The following ASAP1 variants were observed in gnomAD, a reference collection of about 807,000 sequenced individuals.
The protein encoded by ASAP1 is arf-GAP with SH3 domain, ANK repeat and PH domain-containing protein 1.
A neutral mutation model predicts 145.2 loss-of-function variants in ASAP1; 43 were observed. That is an observed-to-expected ratio of 0.30 (90% CI 0.23 to 0.38). The LOEUF (loss-of-function observed/expected upper bound fraction) is 0.38. ASAP1 is among the 10% of genes least tolerant of loss of function. The probability of loss-of-function intolerance (pLI) is 1.00; values close to 1 mark genes in which losing one functional copy is unlikely to be tolerated. For synonymous variants in ASAP1, 546 were observed against 515.5 expected (o/e 1.06, Z -0.80); for missense variants, 1,018 against 1,355.3 (o/e 0.75, Z 3.91).
rs117307218 is a variant in ASAP1 at position 130,412,348 on chromosome 8, T to C, written c.-27-10378A>G. Reference sequence around the variant, plus strand: ...CCCCTTGTTGCTGTCCTTGCCATAGTGAGTGAGTGACTTTCCGTGAGATGT... The same window carrying C: ...CCCCTTGTTGCTGTCCTTGCCATAGCGAGTGAGTGACTTTCCGTGAGATGT... On this transcript the variant is annotated intron_variant, in intron 1 of 29. Transcript: ENST00000518721. Among the ~76,000 whole-genome samples the C allele has an allele frequency of 7.7e-3, 1,171 of 152,214 alleles. 3 individuals are homozygous for C. Among genetic ancestry groups the C allele is most frequent in the Admixed American group, 0.016 (238 of 15,282 alleles).
At chr8:130,236,797 C>T (rs1263269099) in intron 4 of ASAP1, 125 bp downstream of exon 4, 2 of 647,486 alleles carry the variant, frequency 3.1e-6, no homozygotes, top group East Asian at 3.0e-5. Flanking sequence ...AGAGAAATTT[C>T]TTTTACCTAC....
At chr8:130,138,350 G>C (rs1190386500) in intron 13 of ASAP1, among the ~76,000 whole-genome samples, 1 of 152,206 alleles carries the variant, frequency 6.6e-6, no homozygotes, top group African/African-American at 2.4e-5. Flanking sequence ...TGCTTTAGGG[G>C]AGGAAGTGAG....
chr8:130,228,267 C>G (rs895953456), intron 4 of ASAP1, among the ~76,000 whole-genome samples: 3 of 152,100 alleles, frequency 2.0e-5, no homozygotes, highest in Admixed American at 6.5e-5. Context: ...TAGAACACCC[C>G]CCAAAACATG....
intron 3 of ASAP1, among the ~76,000 whole-genome samples, chr8:130,287,283 T>C (rs1821674655): frequency 6.6e-6 from 1 of 152,168 alleles, no homozygotes; most frequent in African/African-American, 2.4e-5. Context: ...GCTTGATGGA[T>C]GGATGTTGGG....
intron 10 of ASAP1, among the ~76,000 whole-genome samples, chr8:130,168,260 T>C (rs2097684071): frequency 6.6e-6 from 1 of 152,126 alleles, no homozygotes; most frequent in Non-Finnish European, 1.5e-5. Flanking sequence ...GGGCAACAAC[T>C]TTACCATTTC....
intron 3 of ASAP1, among the ~76,000 whole-genome samples, chr8:130,353,930 A>G (rs143985131): frequency 0.016 from 2,469 of 151,680 alleles, 69 homozygotes; most frequent in African/African-American, 0.056. Flanking sequence ...TCTGTCGCCC[A>G]GGCTGGAGTG....
At chr8:130,127,905 G>T (rs374853248) in intron 16 of ASAP1, 22 bp downstream of exon 16, 1 of 1,608,882 alleles carries the variant, frequency 6.2e-7, no homozygotes, top group African/African-American at 1.3e-5. Flanking sequence ...GTAAAAGCTC[G>T]TTCAAATATG....
At chr8:130,390,078 G>C (rs187938668) in intron 2 of ASAP1, among the ~76,000 whole-genome samples, 20 of 152,248 alleles carry the variant, frequency 1.3e-4, no homozygotes, top group African/African-American at 4.8e-4. Context: ...TAAAGGGAGG[G>C]CCTGAGAATC....
intron 3 of ASAP1, among the ~76,000 whole-genome samples, chr8:130,338,620 C>T (rs1395496152): frequency 6.6e-6 from 1 of 152,164 alleles, no homozygotes; most frequent in Non-Finnish European, 1.5e-5. Context: ...CTTTTATTAA[C>T]AGCAGGCAAT....
rs141123730 is a variant in ASAP1 at position 130,058,029 on chromosome 8, T to G, written c.3240A>C (p.Ala1080=). 1 of 1,614,148 alleles carries G rather than the reference T, an allele frequency of 6.2e-7. No individual in the cohort carries two copies. Among genetic ancestry groups the G allele is most frequent in the Non-Finnish European group, 8.5e-7 (1 of 1,180,046 alleles). Residue 1080 remains alanine, a synonymous_variant, in exon 29 of 30, where the codon GCA becomes GCC. Transcript: ENST00000518721. ...TGAATGTGAGCTCGTCATCGTTGTCTGCCTGGCAGTCATAAATGGTCTTCA... is the reference window on the plus strand; with the variant it reads ...TGAATGTGAGCTCGTCATCGTTGTCGGCCTGGCAGTCATAAATGGTCTTCA... ...RRVKTIYDCQ[A]DNDDELTFIE...
chr8:130,327,771 CTGACAG>C, intron 3 of ASAP1, among the ~76,000 whole-genome samples: 1 of 152,276 alleles, frequency 6.6e-6, no homozygotes, highest in African/African-American at 2.4e-5. Context: ...AGGAGTGACT[CTGACAG>C]TTACAGGACT....
intron 5 of ASAP1, among the ~76,000 whole-genome samples, chr8:130,198,751 G>A (rs1243290761): frequency 6.6e-6 from 1 of 152,258 alleles, no homozygotes; most frequent in South Asian, 2.1e-4. Flanking sequence ...TATTAATTAA[G>A]GTTTTTACTG....
intron 10 of ASAP1, among the ~76,000 whole-genome samples, chr8:130,168,369 G>GCCAC (rs1329068891): frequency 2.6e-5 from 4 of 152,032 alleles, no homozygotes; most frequent in Non-Finnish European, 5.9e-5. Context: ...TAAATCAAAG[G>GCCAC]CGTGGTGGCT....
At chr8:130,205,493 A>G (rs1816155273) in intron 5 of ASAP1, among the ~76,000 whole-genome samples, 1 of 151,900 alleles carries the variant, frequency 6.6e-6, no homozygotes, top group Non-Finnish European at 1.5e-5. Context: ...TGTATTGACA[A>G]ACAGAAAATT....
In ASAP1 at chr8:130,118,189, G is replaced by C; in HGVS notation, c.1852C>G (p.His618Asp). The C allele has an allele frequency of 1.2e-6, 2 of 1,613,896 alleles. No individual in the cohort carries two copies. The highest frequency in any genetic ancestry group is 1.7e-6 in the Non-Finnish European group (2 of 1,179,856). ...TTTTGTACAAGGAAGTCAACCAAAT[G>C]GAGAGATGTCTGATCTGCAGTTCGG... ...AVRTADQTSL[H>D]LVDFLVQNCG... is the part of the protein sequence containing the mutation. Residue 618 changes from histidine to aspartate, a missense_variant, in exon 20 of 30, where the codon CAT (histidine) becomes GAT (aspartate). His to Asp is a moderately conservative substitution (Grantham distance 81, BLOSUM62 -1). This residue lies in a region of ASAP1 where 353 missense variants were observed against 375.4 expected (regional missense o/e 0.94). Coordinates refer to ENST00000518721, the MANE Select transcript of ASAP1 (RefSeq NM_018482.4).
chr8:130,062,165 T>TA (rs2097420940), intron 27 of ASAP1, among the ~76,000 whole-genome samples: 1 of 152,228 alleles, frequency 6.6e-6, no homozygotes, highest in Non-Finnish European at 1.5e-5. Flanking sequence ...CTCATTTTTG[T>TA]AACTTTGGCT....
chr8:130,124,305 G>A (rs75186484), intron 17 of ASAP1, among the ~76,000 whole-genome samples: 8,111 of 152,342 alleles, frequency 0.053, 284 homozygotes, highest in Middle Eastern at 0.078. Flanking sequence ...TGGAAATACA[G>A]AGATGGGTAA....
intron 5 of ASAP1, among the ~76,000 whole-genome samples, chr8:130,201,000 T>A (rs77706239): frequency 0.11 from 16,457 of 152,230 alleles, 1,014 homozygotes; most frequent in South Asian, 0.27. Flanking sequence ...AAAAGTGTGG[T>A]CCTCAAATCA....
At chr8:130,296,141 A>C (rs1169761975) in intron 3 of ASAP1, among the ~76,000 whole-genome samples, 1 of 152,236 alleles carries the variant, frequency 6.6e-6, no homozygotes, top group African/African-American at 2.4e-5. Context: ...TGTTCAGAAG[A>C]AACAGAGACC....
Sources: gnomAD v4.1 joint callset for allele counts (sites outside exome capture counted in the v4.1 genomes callset) on GRCh38, gnomAD v4.1.1 for gene constraint, gnomAD v4.1.1 regional missense constraint, MANE v1.5 for transcripts, NCBI Gene and HGNC (gene_info 2026-07-23, HGNC 2026-07-21) for gene names.